CACNA1G: variants seen among roughly 807,000 people sequenced by gnomAD.
The protein encoded by CACNA1G is voltage-dependent T-type calcium channel subunit alpha-1G.
In CACNA1G, 67 loss-of-function variants were observed where a neutral mutation model predicts 219.4. That is an observed-to-expected ratio of 0.31 (90% CI 0.25 to 0.37). The LOEUF (loss-of-function observed/expected upper bound fraction) is 0.37. Ranked by LOEUF, CACNA1G falls within the 10% of genes least tolerant of loss-of-function variation. The probability of loss-of-function intolerance (pLI) is 1.00; values close to 1 mark genes in which losing one functional copy is unlikely to be tolerated. For missense variants in CACNA1G, 2,380 were observed against 3,231.4 expected (o/e 0.74, Z 6.39); for synonymous variants, 1,296 against 1,345.3 (o/e 0.96, Z 0.80).
At chr17:50,584,054 G>A (rs1416770088) in intron 9 of CACNA1G, among the ~76,000 whole-genome samples, 1 of 152,148 alleles carries the variant, frequency 6.6e-6, no homozygotes, top group African/African-American at 2.4e-5. Flanking sequence ...AAGTTTCTAA[G>A]GCAGAATCCC....
At chr17:50,586,878 G>A (rs1348316099) in intron 9 of CACNA1G, among the ~76,000 whole-genome samples, 2 of 152,228 alleles carry the variant, frequency 1.3e-5, no homozygotes, top group Non-Finnish European at 2.9e-5. Context: ...GGTGACAGCC[G>A]GAGGGGAGGG....
chr17:50,625,584 G>A (rs989572071), intron 37 of CACNA1G, among the ~76,000 whole-genome samples: 1 of 152,202 alleles, frequency 6.6e-6, no homozygotes, highest in Non-Finnish European at 1.5e-5. Context: ...GTCACACACT[G>A]TGTCACAGAG....
In CACNA1G at chr17:50,596,236, CT is replaced by C. The variant is rs2045515935; in HGVS notation, c.2980-325del. Among the ~76,000 whole-genome samples the C allele has an allele frequency of 6.6e-6, 1 of 152,226 alleles. No homozygotes were observed. The highest frequency in any genetic ancestry group is 1.5e-5 in the Non-Finnish European group (1 of 68,036). On this transcript the variant is annotated intron_variant, in intron 14 of 37. Transcript: ENST00000359106. This position sits in a 1 kb window ranked among gnomAD's most constrained non-coding sequence, Gnocchi z 4.8. Reference sequence around the variant, plus strand: ...CTCAGGTCCCCAGGTCCCCAGCCCCCTCTGGCCTGTGCCACCTGCCACCTAG... The same window carrying C: ...CTCAGGTCCCCAGGTCCCCAGCCCCCCTGGCCTGTGCCACCTGCCACCTAG...
At chr17:50,572,960 G>A (rs2144771810) in intron 6 of CACNA1G, 61 bp from the exon 7 acceptor site, 1 of 1,561,020 alleles carries the variant, frequency 6.4e-7, no homozygotes, top group Non-Finnish European at 8.7e-7. Flanking sequence ...CAAGGCCTCT[G>A]GAGGAGACTG....
At chr17:50,579,340 G>C (rs542885648) in intron 9 of CACNA1G, among the ~76,000 whole-genome samples, 2 of 152,126 alleles carry the variant, frequency 1.3e-5, no homozygotes, top group Non-Finnish European at 2.9e-5. Flanking sequence ...TCTGGGCTGA[G>C]GGGGAGGAGG....
chr17:50,564,761 C>A (rs1433387676), intron 1 of CACNA1G, among the ~76,000 whole-genome samples: 2 of 152,092 alleles, frequency 1.3e-5, no homozygotes, highest in Non-Finnish European at 2.9e-5. Flanking sequence ...CCTGTCTCTT[C>A]ATCAATTCCC....
intron 25 of CACNA1G, among the ~76,000 whole-genome samples, chr17:50,608,562 TAAA>T (rs200150848): frequency 0.013 from 1,897 of 149,680 alleles, 29 homozygotes; most frequent in Admixed American, 0.033. Context: ...CTGCTAAACT[TAAA>T]AAAAGAAAAA....
At chr17:50,619,907 G>A (rs1161704954) in intron 34 of CACNA1G, 81 bp downstream of exon 34, 2 of 1,392,102 alleles carry the variant, frequency 1.4e-6, no homozygotes, top group East Asian at 2.5e-5. Flanking sequence ...GGGGAAGCTG[G>A]GAGTGTTCCT....
At position 50,603,058 on chromosome 17, in the gene CACNA1G, G is replaced by A. The variant is rs1295882768; in HGVS notation, c.4028G>A (p.Arg1343Gln). The A allele has an allele frequency of 6.8e-6, 11 of 1,613,596 alleles. No homozygotes were observed. The East Asian group carries it at 1.8e-4, about 26-fold the overall frequency. The change falls in exon 21 of 38, where the codon CGG becomes CAG. Residue 1343 changes from arginine to glutamine, a missense_variant. By Grantham distance (43) the Arg-to-Gln change is conservative. Around this residue, in one of 17 missense-constraint regions of CACNA1G, gnomAD observed 153 missense variants for 374.9 expected, o/e 0.41. Transcript: ENST00000359106. This position sits in a 1 kb window ranked among gnomAD's most constrained non-coding sequence, Gnocchi z 6.4. The part of the protein sequence containing the change: ...GWCFGEQAYL[R>Q]SSWNVLDGLL... ...TGCTTCGGGGAGCAGGCGTACCTGC[G>A]GAGCAGTTGGAACGTGCTGGACGGG...
chr17:50,616,827 A>G (rs193138453), intron 28 of CACNA1G, among the ~76,000 whole-genome samples: 5 of 152,086 alleles, frequency 3.3e-5, no homozygotes, highest in East Asian at 3.9e-4. Flanking sequence ...ATGAATTCCT[A>G]TTTGGTTTTG....
chr17:50,569,881 A>G lies in CACNA1G; in HGVS notation c.586+78A>G, dbSNP rs2038969679. The G allele has an allele frequency of 1.1e-5, 12 of 1,101,138 alleles. No individual in the cohort carries two copies. In the South Asian group the frequency reaches 1.3e-4, roughly 12 times the overall value. 68.2% of individuals were successfully genotyped at this position (1,101,138 alleles called of 1,614,324 possible). A position where few individuals can be genotyped will look rare whatever the true frequency, so the allele number is the denominator to read the frequency against. On this transcript the variant is annotated intron_variant, in intron 4 of 37. Transcript: ENST00000359106. ...GGAACTCTCAGACCCCACCTCTACT[A>G]CTGTGTCCTCACCTGACCCCTCACA...
intron 1 of CACNA1G, among the ~76,000 whole-genome samples, chr17:50,564,027 C>A (rs183476976): frequency 1.8e-3 from 267 of 152,214 alleles, no homozygotes; most frequent in African/African-American, 5.7e-3. Flanking sequence ...CCCCAACTAA[C>A]TGAAGCTAGT....
In CACNA1G at chr17:50,561,498, G is replaced by C; in HGVS notation, c.39G>C (p.Ser13=). 15 of 1,535,696 alleles carry C rather than the reference G, an allele frequency of 9.8e-6. No homozygotes were observed. The highest frequency in any genetic ancestry group is 1.4e-5 in the African/African-American group (1 of 73,062). Residue 13 remains serine, a synonymous_variant, in exon 1 of 38, where the codon TCG becomes TCC. Coordinates refer to ENST00000359106, the MANE Select transcript of CACNA1G (RefSeq NM_018896.5). ...AGGATGGAGCGGGCGCCGAGGAGTC[G>C]GGACAGCCCCGGAGCTTCATGCGGC... ...EEEDGAGAEE[S]GQPRSFMRLN...
intron 19 of CACNA1G, 121 bp from the exon 20 acceptor site, chr17:50,602,698 AG>A (rs1028187843): frequency 1.3e-6 from 1 of 776,578 alleles, no homozygotes; most frequent in Non-Finnish European, 2.2e-6. Context: ...ATTGTTGTGG[AG>A]GGTGGGGGTC....
chr17:50,572,544 C>A lies in CACNA1G; in HGVS notation c.747-10C>A. ...CCAGTCTCACCCCTGTTCCCCTTCCCATCCTGCAGCCCCCTGAGCGTGGAC... is the reference window on the plus strand; with the variant it reads ...CCAGTCTCACCCCTGTTCCCCTTCCAATCCTGCAGCCCCCTGAGCGTGGAC... On this transcript the variant is annotated splice_polypyrimidine_tract_variant and intron_variant, in intron 5 of 37. Coordinates refer to ENST00000359106, the MANE Select transcript of CACNA1G (RefSeq NM_018896.5). 1 of 1,521,182 alleles carries A rather than the reference C, an allele frequency of 6.6e-7. No homozygotes were observed. Among genetic ancestry groups the A allele is most frequent in the Non-Finnish European group, 8.8e-7 (1 of 1,132,074 alleles). 94.2% of individuals were successfully genotyped at this position (1,521,182 alleles called of 1,614,324 possible). A position where few individuals can be genotyped will look rare whatever the true frequency, so the allele number is the denominator to read the frequency against.
Position 50,624,532 on chromosome 17 carries a change from G to A in CACNA1G, c.6399+3G>A. ...CTCAGAGGCCACTCAGGCGCCAGGT[G>A]AGCAGATGTGGAAAGGCAGGCACAG... On this transcript the variant is annotated splice_donor_region_variant and intron_variant, in intron 37 of 37. Transcript: ENST00000359106. 1 of 1,579,162 alleles carries A rather than the reference G, an allele frequency of 6.3e-7. No individual in the cohort carries two copies. The highest frequency in any genetic ancestry group is 8.6e-7 in the Non-Finnish European group (1 of 1,162,142).
In CACNA1G at chr17:50,600,422, A is replaced by T. The variant is rs1364679310; in HGVS notation, c.3691-304A>T. On this transcript the variant is annotated intron_variant, in intron 17 of 37. Coordinates refer to ENST00000359106, the MANE Select transcript of CACNA1G (RefSeq NM_018896.5). This position sits in a 1 kb window ranked among gnomAD's most constrained non-coding sequence, Gnocchi z 4.1. ...GATGCTGCTTCCCAGCTCAGCAGGG[A>T]GGACAGGCAGGGGGCTGGGCTGGAG... Among the ~76,000 whole-genome samples the T allele has an allele frequency of 1.3e-5, 2 of 149,544 alleles. No individual in the cohort carries two copies. Among genetic ancestry groups the T allele is most frequent in the African/African-American group, 4.9e-5 (2 of 40,806 alleles).
At chr17:50,622,011 A>C (rs2052237237) in intron 35 of CACNA1G, among the ~76,000 whole-genome samples, 1 of 152,164 alleles carries the variant, frequency 6.6e-6, no homozygotes, top group South Asian at 2.1e-4. Flanking sequence ...AGATAAGTTT[A>C]AATTGGGGCC....
At position 50,624,525 on chromosome 17, in the gene CACNA1G, G is replaced by A. The variant is rs867781260; in HGVS notation, c.6395G>A (p.Arg2132His). 5.0e-6 allele frequency: 8 copies of A among 1,584,580 alleles called. No individual in the cohort carries two copies. Among genetic ancestry groups the A allele is most frequent in the Admixed American group, 1.8e-5 (1 of 56,734 alleles). The change falls in exon 37 of 38, where the codon CGC (arginine) becomes CAC (histidine). Residue 2132 changes from arginine to histidine, a missense_variant. By Grantham distance (29) the Arg-to-His change is conservative. This residue lies in a region of CACNA1G where 672 missense variants were observed against 670.5 expected (regional missense o/e 1.00). Transcript: ENST00000359106. ...CCTTTGGCTCAGAGGCCACTCAGGCGCCAGGTGAGCAGATGTGGAAAGGCA... is the reference window on the plus strand; with the variant it reads ...CCTTTGGCTCAGAGGCCACTCAGGCACCAGGTGAGCAGATGTGGAAAGGCA... Reference protein sequence around the residue: ...RSPLAQRPLRRQAAIRTDSLD... With the variant: ...RSPLAQRPLRHQAAIRTDSLD...
Sources: gnomAD v4.1 joint callset for allele counts (sites outside exome capture counted in the v4.1 genomes callset) on GRCh38, gnomAD v4.1.1 for gene constraint, gnomAD v4.1.1 regional missense constraint, Gnocchi (gnomAD v3.1) non-coding constraint, MANE v1.5 for transcripts, NCBI Gene and HGNC (gene_info 2026-07-23, HGNC 2026-07-21) for gene names.